COPS7A: variants seen among roughly 807,000 people sequenced by gnomAD.
The protein encoded by COPS7A is COP9 signalosome subunit 7A, also known as COP9 signalosome complex subunit 7a.
In COPS7A, 20 loss-of-function variants were observed where a neutral mutation model predicts 35.2. That is an observed-to-expected ratio of 0.57 (90% confidence interval 0.40 to 0.83). The LOEUF (loss-of-function observed/expected upper bound fraction) is 0.83, where lower values mean the gene tolerates loss of function less well. Ranked by LOEUF, COPS7A falls within the 40% of genes least tolerant of loss-of-function variation. COPS7A has a pLI of 0.00. For missense variants in COPS7A, 247 were observed against 347.5 expected, an observed-to-expected ratio of 0.71 and a Z score of 2.30; for synonymous variants, 139 against 141.4, an observed-to-expected ratio of 0.98 and a Z score of 0.12.
At chr12:6,725,131 CTT>C (rs929409446) in intron 2 of COPS7A, among the ~76,000 whole-genome samples, 1 of 150,940 alleles carries the variant, frequency 6.6e-6, no homozygotes. Flanking sequence ...GATCAGGTCA[CTT>C]TTGTTTTAGG....
Position 6,728,294 on chromosome 12 carries a change from C to T in COPS7A, c.310C>T (p.Leu104=). The T allele has an allele frequency of 6.2e-7, 1 of 1,613,956 alleles. No individual in the cohort carries two copies. Among genetic ancestry groups the T allele is most frequent in the South Asian group, 1.1e-5 (1 of 91,074 alleles). The stretch of plus-strand genomic sequence containing the variant: ...GCTTCGACACCTCTCAGTTGTCACC[C>T]TGGCTGCTAAAGTAAAGGTGAGTGG... ...NKLRHLSVVT[L]AAKVKCIPYA... The change falls in exon 4 of 8, where the codon CTG becomes TTG. Residue 104 remains leucine, a synonymous_variant. Coordinates refer to ENST00000543155, the MANE Select transcript of COPS7A (RefSeq NM_001164094.2).
At chr12:6,725,266 C>T (rs764239591) in intron 2 of COPS7A, among the ~76,000 whole-genome samples, 2 of 151,654 alleles carry the variant, frequency 1.3e-5, no homozygotes, top group Non-Finnish European at 2.9e-5. Flanking sequence ...ACGCCATTCT[C>T]CTGCCTCAGC....
At chr12:6,727,825 C>A (rs191462961) in intron 2 of COPS7A, 101 bp from the exon 3 acceptor site, 13 of 1,058,076 alleles carry the variant, frequency 1.2e-5, no homozygotes, top group Non-Finnish European at 1.9e-5. Flanking sequence ...TTAACATTGG[C>A]CGGGAAAGAT....
At chr12:6,730,633 C>A (rs1372453146) in intron 6 of COPS7A, 36 bp from the exon 7 acceptor site, 1 of 1,613,144 alleles carries the variant, frequency 6.2e-7, no homozygotes, top group Non-Finnish European at 8.5e-7. Flanking sequence ...GGTTCTGGAA[C>A]CTTCCTTGCT....
chr12:6,725,824 A>G (rs2092915286), intron 2 of COPS7A: 2 of 456,010 alleles, frequency 4.4e-6, no homozygotes, highest in African/African-American at 2.0e-5. Flanking sequence ...ACTCTGTGAT[A>G]TGGAGAAAAC....
At position 6,729,562 on chromosome 12, in the gene COPS7A, T is replaced by C; in HGVS notation, c.530+113T>C. 8 of 1,097,968 alleles carry C rather than the reference T, an allele frequency of 7.3e-6. No individual in the cohort carries two copies. The highest frequency in any genetic ancestry group is 2.6e-5 in the East Asian group (1 of 38,678). 68.0% of individuals were successfully genotyped at this position (1,097,968 alleles called of 1,614,324 possible). A position where few individuals can be genotyped will look rare whatever the true frequency, so the allele number is the denominator to read the frequency against. Reference sequence around the variant, plus strand: ...TCCGCAGAGGTGGAACCCAAGAGGATGAAGGGAAATGAGTTCATCCCTCCA... The same window carrying C: ...TCCGCAGAGGTGGAACCCAAGAGGACGAAGGGAAATGAGTTCATCCCTCCA... On this transcript the variant is annotated intron_variant, in intron 5 of 7. Coordinates refer to ENST00000543155, the MANE Select transcript of COPS7A (RefSeq NM_001164094.2). This position sits in a 1 kb window ranked among gnomAD's most constrained non-coding sequence, Gnocchi z 4.2.
In COPS7A at chr12:6,724,899, G is replaced by T. The variant is rs988562447; in HGVS notation, c.162+81G>T. 1.3e-5 allele frequency: 19 copies of T among 1,449,690 alleles called. No individual in the cohort carries two copies. In the East Asian group the frequency reaches 4.4e-4, roughly 33 times the overall value. The allele number at this position is 1,449,690 out of a possible 1,614,324, so 89.8% of individuals were successfully genotyped here. On this transcript the variant is annotated intron_variant, in intron 2 of 7. Coordinates refer to ENST00000543155, the MANE Select transcript of COPS7A (RefSeq NM_001164094.2). ...AGAATGGGTGGGCAGGGCTCATTTT[G>T]TGATCCAATAACCATTCAGTTGAAC...
chr12:6,728,343 G>T, intron 4 of COPS7A, 32 bp downstream of exon 4: 2 of 1,589,730 alleles, frequency 1.3e-6, no homozygotes, highest in South Asian at 1.1e-5. Context: ...CTACGGTCTA[G>T]AGCATCCTTT....
intron 2 of COPS7A, among the ~76,000 whole-genome samples, chr12:6,726,629 A>G (rs1941262701): frequency 6.9e-6 from 1 of 145,254 alleles, no homozygotes; most frequent in Admixed American, 6.8e-5. Context: ...AAATAAATAA[A>G]ACAAACAAAA....
rs1261922860 is a variant in COPS7A, at chr12:6,729,979, C to T, written c.531-423C>T. ...CATCCCACTGCTAGGAGTGTTATCA[C>T]AGGTGGTTTCTAGGTGCCCTGGTGA... On this transcript the variant is annotated intron_variant, in intron 5 of 7. Transcript: ENST00000543155. This position sits in a 1 kb window ranked among gnomAD's most constrained non-coding sequence, Gnocchi z 4.2. Among the ~76,000 whole-genome samples the T allele has an allele frequency of 1.3e-5, 2 of 152,132 alleles. No homozygotes were observed. Among genetic ancestry groups the T allele is most frequent in the East Asian group, 1.9e-4 (1 of 5,196 alleles).
In COPS7A at chr12:6,731,684, C is replaced by G. The variant is rs1433279984; in HGVS notation, c.*645C>G. On this transcript the variant is annotated 3_prime_UTR_variant, in exon 8 of 8. Transcript: ENST00000543155. ...TTTCTTAACATGTTGAGAGATGATT[C>G]TTTCTTGGCCCTGGCCATCTCGGGA... is the stretch of plus-strand genomic sequence containing the variant. 6.5e-6 allele frequency: 1 copy of G among 153,024 alleles called. No homozygotes were observed. Among genetic ancestry groups the G allele is most frequent in the Non-Finnish European group, 1.5e-5 (1 of 68,522 alleles). The allele number at this position is 153,024 out of a possible 1,614,324, so 9.5% of individuals were successfully genotyped here.
chr12:6,724,505 C>G, intron 1 of COPS7A, 109 bp from the exon 2 acceptor site: 2 of 895,258 alleles, frequency 2.2e-6, no homozygotes, highest in South Asian at 2.9e-5. Context: ...ATGTCTGATT[C>G]CTCACCGCAG....
chr12:6,726,913 T>C (rs887528767), intron 2 of COPS7A, among the ~76,000 whole-genome samples: 1 of 152,328 alleles, frequency 6.6e-6, no homozygotes, highest in East Asian at 1.9e-4. Flanking sequence ...ATCTGAATTA[T>C]TTATTTATTT....
At chr12:6,725,545 A>G in intron 2 of COPS7A, 1 of 448,298 alleles carries the variant, frequency 2.2e-6, no homozygotes, top group Non-Finnish European at 4.5e-6. Context: ...GTCTGGTACA[A>G]GTGGAGAGTG....
At chr12:6,724,204 C>T in intron 1 of COPS7A, 25 bp downstream of exon 1, 1 of 270,896 alleles carries the variant, frequency 3.7e-6, no homozygotes, top group South Asian at 2.8e-5. Flanking sequence ...TCGGCGGGAG[C>T]CCACGGTCGC....
intron 2 of COPS7A, among the ~76,000 whole-genome samples, chr12:6,726,853 C>G (rs1427819595): frequency 6.6e-6 from 1 of 152,152 alleles, no homozygotes; most frequent in Non-Finnish European, 1.5e-5. Flanking sequence ...ATGGAGCTTA[C>G]CCTTCTGAAG....
At chr12:6,724,243 A>G (rs1941190748) in intron 1 of COPS7A, 64 bp downstream of exon 1, 2 of 320,904 alleles carry the variant, frequency 6.2e-6, no homozygotes, top group South Asian at 4.5e-5. Context: ...GAGGGGGCGG[A>G]GCCACGTGTA....
At position 6,729,237 on chromosome 12, in the gene COPS7A, G is replaced by A. The variant is rs779473297; in HGVS notation, c.328-10G>A. 1.5e-5 allele frequency: 24 copies of A among 1,614,022 alleles called. No homozygotes were observed. The highest frequency in any genetic ancestry group is 1.8e-5 in the Non-Finnish European group (21 of 1,179,990). On this transcript the variant is annotated splice_polypyrimidine_tract_variant and intron_variant, in intron 4 of 7. Coordinates refer to ENST00000543155, the MANE Select transcript of COPS7A (RefSeq NM_001164094.2). This position sits in a 1 kb window ranked among gnomAD's most constrained non-coding sequence, Gnocchi z 4.2. ...CGTCACAAATCCTGGCCTGATCTCC[G>A]CGGCCCCAGTGTATCCCATATGCAG...
At chr12:6,725,964 G>A (rs978653239) in intron 2 of COPS7A, 2 of 453,744 alleles carry the variant, frequency 4.4e-6, no homozygotes, top group African/African-American at 2.0e-5. Context: ...GCCAAGGCAG[G>A]TGGATCACCT....
Sources: gnomAD v4.1 joint callset for allele counts (sites outside exome capture counted in the v4.1 genomes callset) on GRCh38, gnomAD v4.1.1 for gene constraint, Gnocchi (gnomAD v3.1) non-coding constraint, MANE v1.5 for transcripts, NCBI Gene and HGNC (gene_info 2026-07-23, HGNC 2026-07-21) for gene names.